The following CCDC22 variants were observed in gnomAD, a reference collection of about 807,000 sequenced individuals.
The protein encoded by CCDC22 is CCC complex scaffolding subunit CCDC22.
CCDC22 carries 4 observed loss-of-function variants against 53.1 expected under a neutral mutation model. The ratio of observed to expected loss-of-function variants is 0.08; its 90% CI spans 0.04 to 0.17. The LOEUF (loss-of-function observed/expected upper bound fraction) is 0.17. Among genes scored for constraint, CCDC22 ranks in the 10% least tolerant of loss-of-function variants. The pLI is 1.00. For missense variants in CCDC22, 458 were observed against 554.0 expected, an observed-to-expected ratio of 0.83 and a Z score of 1.74; for synonymous variants, 222 against 224.4, an observed-to-expected ratio of 0.99 and a Z score of 0.10.
chrX:49,243,045 G>A, intron 4 of CCDC22, 53 bp downstream of exon 4: 1 of 1,140,561 alleles, frequency 8.8e-7, no homozygotes, highest in African/African-American at 1.8e-5. Context: ...GGGTGCCCAG[G>A]GTTTTGGCCC....
In CCDC22 at chrX:49,243,421, G is replaced by A. The variant is rs782797020; in HGVS notation, c.673G>A (p.Asp225Asn). The part of the protein sequence containing the change: ...CQQTGRDRPG[D>N]EDWVHRTSRL... ...GCAGACGGGCCGGGACCGGCCAGGG[G>A]ATGAGGACTGGGTCCACCGGACATC... Residue 225 changes from aspartate (D) to asparagine (N), a missense_variant, in exon 6 of 17, where the codon GAT (aspartate) becomes AAT (asparagine). Physicochemically the swap from Asp to Asn is conservative, Grantham distance 23. This residue lies in a region of CCDC22 where 309 missense variants were observed against 312.3 expected (regional missense o/e 0.99). Coordinates refer to ENST00000376227, the MANE Select transcript of CCDC22 (RefSeq NM_014008.5). The A allele has an allele frequency of 7.5e-6, 9 of 1,198,811 alleles. No homozygotes were observed. The highest frequency in any genetic ancestry group is 6.7e-5 in the Admixed American group (3 of 44,670).
In CCDC22 at chrX:49,237,062, G is replaced by C. The variant is rs2065941263; in HGVS notation, c.51-24G>C. 7 of 1,195,735 alleles carry C rather than the reference G, an allele frequency of 5.9e-6. No homozygotes were observed. The African/African-American group carries it at 8.7e-5, about 15-fold the overall frequency. ...ATCCCTGTTGCCTGACTATTCCTGC[G>C]ATCAAGCTGGTCCCCTTCTTCAGGG... On this transcript the variant is annotated intron_variant, in intron 1 of 16. Transcript: ENST00000376227.
intron 6 of CCDC22, among the ~76,000 whole-genome samples, chrX:49,245,087 C>T (rs1262076140): frequency 4.6e-5 from 5 of 109,420 alleles, no homozygotes; most frequent in African/African-American, 1.7e-4. Flanking sequence ...CCATTCTGCT[C>T]TCCTATTTCT....
chrX:49,250,111 G>A, intron 16 of CCDC22, 37 bp from the exon 17 acceptor site: 1 of 864,157 alleles, frequency 1.2e-6, no homozygotes, highest in Non-Finnish European at 1.7e-6. Context: ...GAAAGGGGCT[G>A]TGTGTGCTGA....
chrX:49,236,654 AT>A (rs781864495), intron 1 of CCDC22, among the ~76,000 whole-genome samples: 4 of 111,353 alleles, frequency 3.6e-5, no homozygotes, highest in Non-Finnish European at 7.5e-5. Flanking sequence ...TGGTCTTGAT[AT>A]TCAGGGATCT....
At chrX:49,239,520 G>A (rs906763888) in intron 2 of CCDC22, 6 of 625,651 alleles carry the variant, frequency 9.6e-6, no homozygotes, top group African/African-American at 2.4e-5. Flanking sequence ...GGACGATAGA[G>A]TAACTACCGT....
In CCDC22 at chrX:49,242,134, C is replaced by A. The variant is rs782276847; in HGVS notation, c.347C>A (p.Ala116Glu). ...CTGCCCACCGATGCCTCTGAGGATG[C>A]AGACCAGCCTGCAGGTACTGGGTGT... ...ERLPTDASED[A>E]DQPAGDSAIL... The change falls in exon 3 of 17, where the codon GCA (alanine) becomes GAA (glutamate). Residue 116 changes from alanine (A) to glutamate (E), a missense_variant. This residue lies in a region of CCDC22 where 55 missense variants were observed against 106.0 expected (regional missense o/e 0.52). Transcript: ENST00000376227. The A allele has an allele frequency of 3.3e-6, 4 of 1,207,751 alleles. No homozygotes were observed.
intron 2 of CCDC22, among the ~76,000 whole-genome samples, chrX:49,237,681 A>G (rs2065944128): frequency 9.0e-6 from 1 of 110,555 alleles, no homozygotes; most frequent in South Asian, 3.8e-4. Context: ...GTTCCAGAAA[A>G]TACTCTGTCT....
At chrX:49,248,953 T>C in intron 13 of CCDC22, 29 bp downstream of exon 13, 1 of 1,196,794 alleles carries the variant, frequency 8.4e-7, no homozygotes, top group Non-Finnish European at 1.1e-6. Flanking sequence ...GGAGGGTGGG[T>C]CATGTGGGCT....
In CCDC22 at chrX:49,237,759, CT is replaced by C. The variant is rs782723167; in HGVS notation, c.228+514del. Among the ~76,000 whole-genome samples the C allele has an allele frequency of 2.5e-3, 236 of 94,115 alleles. 1 individual carries two copies. The highest frequency in any genetic ancestry group is 3.7e-3 in the Non-Finnish European group (172 of 46,748). 81.7% of individuals were successfully genotyped at this position (94,115 alleles called of 115,157 possible). On this transcript the variant is annotated intron_variant, in intron 2 of 16. Transcript: ENST00000376227. ...CCCAGTCTGGATGACATGGTCATTC[CT>C]TTTTTTTTTTTTTTTTTGAGATGGA... is the stretch of plus-strand genomic sequence containing the variant.
chrX:49,235,648 G>A lies in CCDC22; in HGVS notation c.12G>A (p.Ala4=), dbSNP rs951887265. 8 of 1,180,773 alleles carry A rather than the reference G, an allele frequency of 6.8e-6. No homozygotes were observed. Among genetic ancestry groups the A allele is most frequent in the East Asian group, 6.3e-5 (2 of 31,957 alleles). MEE[A]DRILIHSLRQ... ...GACACGGCTCCACCATGGAGGAGGC[G>A]GACCGAATCCTCATCCATTCGCTGC... Residue 4 remains alanine (A), a synonymous_variant, in exon 1 of 17, where the codon GCG becomes GCA. Coordinates refer to ENST00000376227, the MANE Select transcript of CCDC22 (RefSeq NM_014008.5).
intron 13 of CCDC22, 116 bp downstream of exon 13, chrX:49,249,040 T>G: frequency 8.9e-7 from 1 of 1,120,618 alleles, no homozygotes; most frequent in Middle Eastern, 2.4e-4. Context: ...CACAGAATAG[T>G]CACACACAAT....
Position 49,248,687 on chromosome X carries a change from G to C in CCDC22, c.1384G>C (p.Ala462Pro). 1 of 1,211,160 alleles carries C rather than the reference G, an allele frequency of 8.3e-7. No individual in the cohort carries two copies. Among genetic ancestry groups the C allele is most frequent in the Non-Finnish European group, 1.1e-6 (1 of 895,294 alleles). Residue 462 changes from alanine to proline, a missense_variant, in exon 12 of 17, where the codon GCG (alanine) becomes CCG (proline). Transcript: ENST00000376227. ...CCAAGAACTGCACCAGAGTGTCCGG[G>C]CGGCTGCTGAAGAGGCCCGCAGGAA... ...EIQELHQSVR[A>P]AAEEARRKEE...
chrX:49,242,340 T>C, intron 3 of CCDC22, 192 bp downstream of exon 3: 2 of 748,974 alleles, frequency 2.7e-6, no homozygotes, highest in African/African-American at 4.6e-5. Flanking sequence ...GGGGCTGAGG[T>C]TGAGCTGACC....
rs374113687 is a variant in CCDC22 at position 49,237,117 on chromosome X, G to A, written c.82G>A (p.Ala28Thr). Residue 28 changes from alanine to threonine, a missense_variant, in exon 2 of 17, where the codon GCC (alanine) becomes ACC (threonine). Ala to Thr is a moderately conservative substitution (Grantham distance 58, BLOSUM62 0). Transcript: ENST00000376227. ...TCCTCCAGATGTGCAGACCTTGCGC[G>A]CCTTCACCACTGAGCTGGTTGTAGA... The part of the protein sequence containing the change: ...AVPPDVQTLR[A>T]FTTELVVEAV... 9 of 1,211,213 alleles carry A rather than the reference G, an allele frequency of 7.4e-6. No individual in the cohort carries two copies. The highest frequency in any genetic ancestry group is 7.8e-6 in the Non-Finnish European group (7 of 894,980).
chrX:49,237,230 C>T lies in CCDC22; in HGVS notation c.195C>T (p.Phe65=). Residue 65 remains phenylalanine (F), a synonymous_variant, in exon 2 of 17, where the codon TTC becomes TTT. Coordinates refer to ENST00000376227, the MANE Select transcript of CCDC22 (RefSeq NM_014008.5). ...PLLPLAMSAR[F]RLAMSLAQAC... is the part of the protein sequence containing the mutation. ...TGCCTCTTGCCATGTCTGCCCGGTT[C>T]CGCCTGGCCATGAGCCTGGCTCAGG... 8.3e-7 allele frequency: 1 copy of T among 1,210,724 alleles called. No individual in the cohort carries two copies. Among genetic ancestry groups the T allele is most frequent in the Non-Finnish European group, 1.1e-6 (1 of 894,854 alleles).
chrX:49,246,554 G>A (rs1354249667), intron 6 of CCDC22, among the ~76,000 whole-genome samples, 177 bp from the exon 7 acceptor site: 2 of 112,175 alleles, frequency 1.8e-5, no homozygotes, highest in Non-Finnish European at 3.8e-5. Context: ...CCCTGTCCTC[G>A]AGGAGATCCC....
At chrX:49,242,214 G>C (rs1557113466) in intron 3 of CCDC22, 66 bp downstream of exon 3, 1 of 1,188,945 alleles carries the variant, frequency 8.4e-7, no homozygotes, top group African/African-American at 1.8e-5. Flanking sequence ...GGGGCTGTAG[G>C]GCTGAGAGAG....
chrX:49,236,246 C>T (rs1237250491), intron 1 of CCDC22, among the ~76,000 whole-genome samples: 2 of 107,479 alleles, frequency 1.9e-5, no homozygotes, highest in East Asian at 2.9e-4. Context: ...CTCGCTCTGT[C>T]GCCTAGGCTG....
Sources: gnomAD v4.1 joint callset for allele counts (sites outside exome capture counted in the v4.1 genomes callset) on GRCh38, gnomAD v4.1.1 for gene constraint, gnomAD v4.1.1 regional missense constraint, MANE v1.5 for transcripts, NCBI Gene and HGNC (gene_info 2026-07-23, HGNC 2026-07-21) for gene names.